PRORP: variants seen among roughly 807,000 people sequenced by gnomAD.
PRORP encodes protein only RNase P catalytic subunit.
PRORP carries 51 observed loss-of-function variants against 59.4 expected under a neutral mutation model. The ratio of observed to expected loss-of-function variants is 0.86; its 90% CI spans 0.69 to 1.08. The LOEUF is 1.08. Among genes scored for constraint, PRORP ranks in the 50% least tolerant of loss-of-function variants. PRORP has a pLI of 0.00. For synonymous variants in PRORP, 231 were observed against 245.6 expected (o/e 0.94, Z 0.55); for missense variants, 646 against 690.3 (o/e 0.94, Z 0.72).
intron 5 of PRORP, among the ~76,000 whole-genome samples, chr14:35,185,233 GT>G (rs1457986683): frequency 1.3e-5 from 2 of 152,042 alleles, no homozygotes; most frequent in African/African-American, 4.8e-5. Flanking sequence ...GTGTGAAATG[GT>G]ATCTCACTGT....
In PRORP at chr14:35,257,717, C is replaced by T. The variant is rs548085643; in HGVS notation, c.1276-9010C>T. Among the ~76,000 whole-genome samples the T allele has an allele frequency of 5.3e-5, 8 of 152,074 alleles. No homozygotes were observed. The South Asian group carries it at 8.3e-4, about 16-fold the overall frequency. Reference sequence around the variant, plus strand: ...GATAGTTATCTTGCTGAGGAACAGACGAAGAATTTCTAATTTCTGAAGACA... The same window carrying T: ...GATAGTTATCTTGCTGAGGAACAGATGAAGAATTTCTAATTTCTGAAGACA... On this transcript the variant is annotated intron_variant, in intron 5 of 7. Coordinates refer to ENST00000534898, the MANE Select transcript of PRORP (RefSeq NM_014672.4).
chr14:35,130,342 T>G (rs1036225264), intron 4 of PRORP, among the ~76,000 whole-genome samples: 3 of 152,086 alleles, frequency 2.0e-5, no homozygotes, highest in African/African-American at 7.2e-5. Flanking sequence ...ACTCATTGTT[T>G]AGTCTTTCTA....
At chr14:35,189,859 C>T (rs968321283) in intron 5 of PRORP, among the ~76,000 whole-genome samples, 1 of 152,116 alleles carries the variant, frequency 6.6e-6, no homozygotes, top group Non-Finnish European at 1.5e-5. Context: ...GCCTGTAATT[C>T]CAGCACTTTG....
chr14:35,235,304 G>A (rs187392968), intron 5 of PRORP: 35 of 690,454 alleles, frequency 5.1e-5, no homozygotes, highest in Admixed American at 3.2e-4. Context: ...ATTGTAATTG[G>A]TCCTGATAGC....
At chr14:35,125,127 C>T (rs562737051) in intron 2 of PRORP, among the ~76,000 whole-genome samples, 520 of 152,174 alleles carry the variant, frequency 3.4e-3, no homozygotes, top group Non-Finnish European at 6.1e-3. Flanking sequence ...TCCCAAAGTG[C>T]TGGGATTACA....
intron 5 of PRORP, among the ~76,000 whole-genome samples, chr14:35,214,787 A>G (rs930058528): frequency 1.3e-5 from 2 of 152,254 alleles, no homozygotes; most frequent in East Asian, 3.9e-4. Context: ...CACACCTGTA[A>G]TCCCAGCTAC....
chr14:35,160,258 T>A (rs184239230), intron 4 of PRORP, among the ~76,000 whole-genome samples: 315 of 152,342 alleles, frequency 2.1e-3, no homozygotes, highest in Non-Finnish European at 3.6e-3. Context: ...CTATTTACTG[T>A]TGGACTCTTT....
chr14:35,265,459 C>G (rs184732664), intron 5 of PRORP, among the ~76,000 whole-genome samples: 1 of 152,102 alleles, frequency 6.6e-6, no homozygotes, highest in African/African-American at 2.4e-5. Flanking sequence ...TATAGGCAAG[C>G]TCACCAAAGT....
At chr14:35,185,787 C>G (rs181566607) in intron 5 of PRORP, among the ~76,000 whole-genome samples, 1 of 152,234 alleles carries the variant, frequency 6.6e-6, no homozygotes, top group Non-Finnish European at 1.5e-5. Context: ...TGAGGATGTA[C>G]AGAACTGTTA....
chr14:35,207,904 C>A (rs1442110090), intron 5 of PRORP, among the ~76,000 whole-genome samples: 1 of 152,186 alleles, frequency 6.6e-6, no homozygotes. Flanking sequence ...GTAATCCCAG[C>A]ACTTTGGGAG....
intron 4 of PRORP, among the ~76,000 whole-genome samples, chr14:35,150,548 C>T (rs1396976923): frequency 6.6e-6 from 1 of 152,198 alleles, no homozygotes; most frequent in African/African-American, 2.4e-5. Flanking sequence ...CAGGTCACTC[C>T]TAGCAGTGGC....
intron 5 of PRORP, among the ~76,000 whole-genome samples, chr14:35,236,096 C>CAAAAAAAAAAAAAAA (rs59458917): frequency 1.6e-5 from 1 of 62,450 alleles, no homozygotes; most frequent in Non-Finnish European, 3.2e-5. Flanking sequence ...ACCCCATCTC[C>CAAAAAAAAAAAAAAA]AAAAAAAAAA....
chr14:35,146,442 AT>A (rs58984052), intron 4 of PRORP, among the ~76,000 whole-genome samples: 5 of 151,328 alleles, frequency 3.3e-5, no homozygotes, highest in Non-Finnish European at 7.4e-5. Flanking sequence ...GTCTTTAGGG[AT>A]TTTTTTTTCT....
At chr14:35,224,809 G>A (rs1415649365) in intron 5 of PRORP, among the ~76,000 whole-genome samples, 1 of 152,014 alleles carries the variant, frequency 6.6e-6, no homozygotes, top group Non-Finnish European at 1.5e-5. Flanking sequence ...TGTCTGCCTG[G>A]CCTCCCACCT....
chr14:35,169,204 A>T lies in PRORP; in HGVS notation c.1168-11466A>T, dbSNP rs547999389. Among the ~76,000 whole-genome samples, 10 of 151,950 alleles carry T rather than the reference A, an allele frequency of 6.6e-5. 1 individual carries two copies. The South Asian group carries it at 2.1e-3, about 32-fold the overall frequency. On this transcript the variant is annotated intron_variant, in intron 4 of 7. Transcript: ENST00000534898. The stretch of plus-strand genomic sequence containing the variant: ...TATCACTTAGTTCAAAATATTTCCT[A>T]ATTCCCTTTGTAATTTTTTTGACCC...
rs1354921097 is a variant in PRORP at position 35,275,276 on chromosome 14, A to C, written c.*1710A>C. 1 of 152,130 alleles carries C rather than the reference A, an allele frequency of 6.6e-6. No homozygotes were observed. The highest frequency in any genetic ancestry group is 1.5e-5 in the Non-Finnish European group (1 of 68,016). The allele number at this position is 152,130 out of a possible 1,614,324, so 9.4% of individuals were successfully genotyped here. On this transcript the variant is annotated 3_prime_UTR_variant, in exon 8 of 8. Coordinates refer to ENST00000534898, the MANE Select transcript of PRORP (RefSeq NM_014672.4). ...AATTACTTACATGAAATAAACAATG[A>C]CCTCTTTTATATCAAACCATATACA...
intron 4 of PRORP, among the ~76,000 whole-genome samples, chr14:35,160,930 G>A (rs1032957403): frequency 2.0e-5 from 3 of 152,178 alleles, no homozygotes; most frequent in Non-Finnish European, 2.9e-5. Flanking sequence ...AGTGCCCTTT[G>A]AAGGCGACAA....
intron 7 of PRORP, 43 bp downstream of exon 7, chr14:35,270,639 A>G (rs1219257486): frequency 6.6e-7 from 1 of 1,522,528 alleles, no homozygotes; most frequent in South Asian, 1.1e-5. Context: ...AGAGTCAAGT[A>G]TACAGTAAGA....
intron 5 of PRORP, among the ~76,000 whole-genome samples, chr14:35,265,637 G>A (rs555952382): frequency 1.3e-5 from 2 of 152,274 alleles, no homozygotes; most frequent in East Asian, 1.9e-4. Context: ...TCAATGAAAG[G>A]AGGCAGTATT....
Sources: gnomAD v4.1 joint callset for allele counts (sites outside exome capture counted in the v4.1 genomes callset) on GRCh38, gnomAD v4.1.1 for gene constraint, MANE v1.5 for transcripts, NCBI Gene and HGNC (gene_info 2026-07-23, HGNC 2026-07-21) for gene names.